MAPK10: variants seen among roughly 807,000 people sequenced by gnomAD.
MAPK10 encodes mitogen-activated protein kinase 10, also known as JNK3 alpha protein kinase.
Under a neutral mutation model 59.3 loss-of-function variants are expected in MAPK10, and 25 were observed. The observed-to-expected ratio is 0.42, with a 90% CI of 0.31 to 0.59. MAPK10 has a LOEUF of 0.59. MAPK10 is among the 20% of genes least tolerant of loss of function. MAPK10 has a pLI of 0.15. For synonymous variants in MAPK10, 190 were observed against 200.5 expected (o/e 0.95, Z 0.44); for missense variants, 351 against 568.9 (o/e 0.62, Z 3.90).
chr4:86,089,196 A>G lies in MAPK10; in HGVS notation c.802+9328T>C. On this transcript the variant is annotated intron_variant, in intron 9 of 13. Transcript: ENST00000641462. Reference sequence around the variant, plus strand: ...CACCCATAGATACCACTGGCTGCTAAGAAGGATACGATCAGTGCCAGGAAA... The same window carrying G: ...CACCCATAGATACCACTGGCTGCTAGGAAGGATACGATCAGTGCCAGGAAA... The G allele has an allele frequency of 3.1e-6, 5 of 1,606,200 alleles. 1 individual carries two copies. Among genetic ancestry groups the G allele is most frequent in the South Asian group, 2.2e-5 (2 of 89,714 alleles).
chr4:86,153,761 C>A (rs1300658348), intron 4 of MAPK10, among the ~76,000 whole-genome samples: 1 of 152,164 alleles, frequency 6.6e-6, no homozygotes, highest in Non-Finnish European at 1.5e-5. Flanking sequence ...TGCAAAGAGG[C>A]CTAGGAGAAC....
intron 3 of MAPK10, among the ~76,000 whole-genome samples, chr4:86,183,085 G>A (rs940925026): frequency 1.3e-5 from 2 of 152,038 alleles, no homozygotes; most frequent in African/African-American, 4.8e-5. Context: ...TTGAGTTTCA[G>A]ATTTAGTCTT....
intron 1 of MAPK10, among the ~76,000 whole-genome samples, chr4:86,441,984 G>A (rs1311440736): frequency 6.6e-6 from 1 of 152,130 alleles, no homozygotes; most frequent in Non-Finnish European, 1.5e-5. Flanking sequence ...AGATCAAAAA[G>A]GCTTAGCAAA....
At chr4:86,542,493 A>G (rs1360576095) in intron 1 of MAPK10, 1 of 153,774 alleles carries the variant, frequency 6.5e-6, no homozygotes, top group African/African-American at 2.4e-5. Context: ...GGATCACTTA[A>G]GGCCAAGAAT....
At chr4:86,456,443 A>G (rs1422782598), upstream of MAPK10, among the ~76,000 whole-genome samples, 1 of 152,192 alleles carries the variant, frequency 6.6e-6, no homozygotes, top group Non-Finnish European at 1.5e-5. Context: ...AAGAAAATCC[A>G]GATAAGCTCA....
intron 2 of MAPK10, among the ~76,000 whole-genome samples, chr4:86,288,679 A>C (rs2095114279): frequency 6.6e-6 from 1 of 152,142 alleles, no homozygotes; most frequent in Admixed American, 6.5e-5. Context: ...CAAGTCTTTT[A>C]TGAGCACTGG....
chr4:86,127,711 C>A (rs2060296001), intron 4 of MAPK10: 1 of 152,120 alleles, frequency 6.6e-6, no homozygotes, highest in Admixed American at 6.6e-5. Flanking sequence ...GTGAGATTAA[C>A]AAATAGATTT....
intron 9 of MAPK10, among the ~76,000 whole-genome samples, chr4:86,076,250 G>C (rs1296867208): frequency 6.6e-6 from 1 of 152,132 alleles, no homozygotes; most frequent in Non-Finnish European, 1.5e-5. Context: ...CCCTGCTTCG[G>C]CTCGCGCACG....
At position 86,279,251 on chromosome 4, in the gene MAPK10, C is replaced by T. The variant is rs558935750; in HGVS notation, c.-7+75279G>A. On this transcript the variant is annotated intron_variant, in intron 2 of 13. Transcript: ENST00000641462. The stretch of plus-strand genomic sequence containing the variant: ...TTATACAAAACACACATTTGATGGC[C>T]GTCTTATTGATTTGTTGTTTTCTCT... Among the ~76,000 whole-genome samples the T allele has an allele frequency of 3.3e-5, 5 of 151,996 alleles. No individual in the cohort carries two copies. In the South Asian group the frequency reaches 6.2e-4, roughly 19 times the overall value.
chr4:86,385,908 G>A (rs949655692), intron 1 of MAPK10, among the ~76,000 whole-genome samples: 4 of 152,156 alleles, frequency 2.6e-5, no homozygotes, highest in African/African-American at 4.8e-5. Flanking sequence ...TAGCACACAT[G>A]CATACACACA....
intron 1 of MAPK10, among the ~76,000 whole-genome samples, chr4:86,354,938 C>T (rs1292158069): frequency 6.6e-6 from 1 of 152,084 alleles, no homozygotes; most frequent in African/African-American, 2.4e-5. Context: ...TAATACAAGG[C>T]ACCCCACTCA....
At chr4:86,322,005 C>T (rs72868822) in intron 2 of MAPK10, 70 of 152,036 alleles carry the variant, frequency 4.6e-4, no homozygotes, top group African/African-American at 1.7e-3. Context: ...CCTAGATCTC[C>T]TTTTTTAAAT....
intron 2 of MAPK10, among the ~76,000 whole-genome samples, chr4:86,195,341 A>G (rs2081038819): frequency 1.3e-5 from 2 of 152,262 alleles, no homozygotes; most frequent in African/African-American, 2.4e-5. Flanking sequence ...AAGGATTGAT[A>G]GATGTCCTGA....
At chr4:86,247,722 TTGA>T (rs1397698737) in intron 2 of MAPK10, among the ~76,000 whole-genome samples, 1 of 152,190 alleles carries the variant, frequency 6.6e-6, no homozygotes, top group East Asian at 1.9e-4. Context: ...TTTGGAGGAC[TTGA>T]TGAGTGCTTC....
At chr4:86,031,231 A>G (rs1479553010) in intron 12 of MAPK10, 137 bp downstream of exon 12, 1 of 646,990 alleles carries the variant, frequency 1.5e-6, no homozygotes, top group East Asian at 2.8e-5. Flanking sequence ...ATGAAGTTTT[A>G]GGAGCTTTAA....
intron 2 of MAPK10, among the ~76,000 whole-genome samples, chr4:86,209,960 C>T (rs6531904): frequency 0.33 from 49,893 of 151,792 alleles, 11,143 homozygotes; most frequent in African/African-American, 0.64. Flanking sequence ...AGAGAACCCA[C>T]AAACAAATCC....
At chr4:86,034,338 CAAT>C (rs1457241906) in intron 11 of MAPK10, among the ~76,000 whole-genome samples, 1 of 152,026 alleles carries the variant, frequency 6.6e-6, no homozygotes, top group African/African-American at 2.4e-5. Context: ...ATTGCATAAA[CAAT>C]AACTTAAAAT....
intron 1 of MAPK10, among the ~76,000 whole-genome samples, chr4:86,463,036 T>C (rs1751883557): frequency 6.6e-6 from 1 of 152,168 alleles, no homozygotes; most frequent in African/African-American, 2.4e-5. Context: ...TTTGAAGGAA[T>C]TAGTTAATGA....
intron 9 of MAPK10, among the ~76,000 whole-genome samples, chr4:86,096,975 A>G (rs1438495909): frequency 6.6e-6 from 1 of 151,962 alleles, no homozygotes; most frequent in Non-Finnish European, 1.5e-5. Flanking sequence ...GCACTGTCCA[A>G]TAGAAAAATG....
Sources: allele counts gnomAD v4.1 joint callset (sites outside exome capture counted in the v4.1 genomes callset), GRCh38; gene constraint gnomAD v4.1.1; transcripts MANE v1.5; gene names NCBI Gene and HGNC (gene_info 2026-07-23, HGNC 2026-07-21).